PIK3R5: variants seen among roughly 807,000 people sequenced by gnomAD.
The protein encoded by PIK3R5 is phosphoinositide 3-kinase regulatory subunit 5.
A neutral mutation model predicts 94.9 loss-of-function variants in PIK3R5; 32 were observed. That is an observed-to-expected ratio of 0.34 (90% CI 0.25 to 0.45). The LOEUF (loss-of-function observed/expected upper bound fraction) is 0.45. Ranked by LOEUF, PIK3R5 falls within the 20% of genes least tolerant of loss-of-function variation. The pLI is 1.00. For synonymous variants in PIK3R5, 443 were observed against 479.4 expected (o/e 0.92, Z 0.99); for missense variants, 853 against 1,144.6 (o/e 0.75, Z 3.68).
rs746623148 is a variant in PIK3R5, at chr17:8,884,769, G to A, written c.2143C>T (p.Arg715Trp). ...AIKASGPGSK[R>W]LGIDGDREAV... The stretch of plus-strand genomic sequence containing the variant: ...TCCCGGTCGCCATCGATGCCCAGCC[G>A]CTTGCTGCCAGGACCTGTGCCACAC... The change falls in exon 15 of 19, where the codon CGG becomes TGG. Residue 715 changes from arginine (R) to tryptophan (W), a missense_variant. By Grantham distance (101) the Arg-to-Trp change is moderately radical. This residue lies in a region of PIK3R5 where 173 missense variants were observed against 274.1 expected (regional missense o/e 0.63). Transcript: ENST00000447110. This position sits in a 1 kb window ranked among gnomAD's most constrained non-coding sequence, Gnocchi z 5.8. The A allele has an allele frequency of 1.1e-5, 17 of 1,612,588 alleles. No individual in the cohort carries two copies. Among genetic ancestry groups the A allele is most frequent in the Admixed American group, 1.7e-5 (1 of 59,946 alleles).
At position 8,893,770 on chromosome 17, in the gene PIK3R5, C is replaced by T. The variant is rs2090083300; in HGVS notation, c.413-115G>A. Reference sequence around the variant, plus strand: ...AGGTTGGAAATTCCCGGATGGAGCTCAGGCGAACCTGCAGAGAAGCTGTTC... The same window carrying T: ...AGGTTGGAAATTCCCGGATGGAGCTTAGGCGAACCTGCAGAGAAGCTGTTC... On this transcript the variant is annotated intron_variant, in intron 5 of 18. Transcript: ENST00000447110. The surrounding 1 kb of genome is among the most constrained non-coding windows in gnomAD (Gnocchi z 5.1). 1.3e-6 allele frequency: 1 copy of T among 759,570 alleles called. No homozygotes were observed. The highest frequency in any genetic ancestry group is 2.3e-6 in the Non-Finnish European group (1 of 437,834). The allele number at this position is 759,570 out of a possible 1,614,324, so 47.1% of individuals were successfully genotyped here.
In PIK3R5 at chr17:8,880,460, T is replaced by C. The variant is rs1487303875; in HGVS notation, c.*179A>G. ...CCTTCTCTCTCTGATAGCTGTTGCT[T>C]TCCCAGAACCCTGAGGCCCCAGAAA... On this transcript the variant is annotated 3_prime_UTR_variant, in exon 19 of 19. Transcript: ENST00000447110. The C allele has an allele frequency of 5.3e-6, 3 of 564,562 alleles. No homozygotes were observed. Among genetic ancestry groups the C allele is most frequent in the South Asian group, 3.3e-5 (1 of 30,584 alleles). The allele number at this position is 564,562 out of a possible 1,614,324, so 35.0% of individuals were successfully genotyped here. A position where few individuals can be genotyped will look rare whatever the true frequency, so the allele number is the denominator to read the frequency against.
Position 8,904,290 on chromosome 17 carries a change from G to A in PIK3R5, c.412+487C>T, listed in dbSNP as rs775615919. ...ACCCCACACATGAAAACTGAGTCCC[G>A]GGTCTTGTCCACATTTGTCACAGTG... On this transcript the variant is annotated intron_variant, in intron 5 of 18. Coordinates refer to ENST00000447110, the MANE Select transcript of PIK3R5 (RefSeq NM_001142633.3). This position sits in a 1 kb window ranked among gnomAD's most constrained non-coding sequence, Gnocchi z 5.1. Among the ~76,000 whole-genome samples the A allele has an allele frequency of 1.8e-4, 28 of 152,130 alleles. No individual in the cohort carries two copies. The highest frequency in any genetic ancestry group is 3.8e-4 in the Non-Finnish European group (26 of 68,022).
intron 5 of PIK3R5, among the ~76,000 whole-genome samples, chr17:8,895,138 G>A (rs16957707): frequency 0.02 from 3,112 of 152,194 alleles, 112 homozygotes; most frequent in African/African-American, 0.071. Context: ...GGCCACTCAC[G>A]TGCATTACAG....
In PIK3R5 at chr17:8,911,383, T is replaced by C. The variant is rs762644716; in HGVS notation, c.103+9A>G. ...CCCTCAAACACCTCCCCGGCTCCCT[T>C]GGACCGACCTGACCAGGAGGTGGAG... On this transcript the variant is annotated intron_variant, in intron 2 of 18. Transcript: ENST00000447110. This position sits in a 1 kb window ranked among gnomAD's most constrained non-coding sequence, Gnocchi z 5.3. 1 of 1,598,222 alleles carries C rather than the reference T, an allele frequency of 6.3e-7. No individual in the cohort carries two copies. The highest frequency in any genetic ancestry group is 8.5e-7 in the Non-Finnish European group (1 of 1,178,610).
chr17:8,941,670 G>GA (rs1242183049), intron 1 of PIK3R5, among the ~76,000 whole-genome samples: 2 of 152,240 alleles, frequency 1.3e-5, no homozygotes, highest in African/African-American at 4.8e-5. Flanking sequence ...CGTGGCACAG[G>GA]ATGTGGCGGG....
At position 8,955,133 on chromosome 17, in the gene PIK3R5, G is replaced by A. The variant is rs566310765; in HGVS notation, c.-14+10463C>T. Among the ~76,000 whole-genome samples, 1 of 152,184 alleles carries A rather than the reference G, an allele frequency of 6.6e-6. No homozygotes were observed. The highest frequency in any genetic ancestry group is 2.1e-4 in the South Asian group (1 of 4,816). On this transcript the variant is annotated intron_variant, in intron 1 of 18. Transcript: ENST00000447110. This position sits in a 1 kb window ranked among gnomAD's most constrained non-coding sequence, Gnocchi z 4.4. ...CAGAAGACCAGTGATATGTCTGGAG[G>A]GTCCTTGAGGGGAGGATGACCGAAC...
intron 5 of PIK3R5, among the ~76,000 whole-genome samples, chr17:8,895,480 C>A (rs1026030095): frequency 1.3e-5 from 2 of 152,156 alleles, no homozygotes; most frequent in Non-Finnish European, 2.9e-5. Flanking sequence ...CCCCTCTGCC[C>A]TCCTGACCCT....
chr17:8,890,657 C>T lies in PIK3R5; in HGVS notation c.657+81G>A. 1 of 1,259,312 alleles carries T rather than the reference C, an allele frequency of 7.9e-7. No individual in the cohort carries two copies. The allele number at this position is 1,259,312 out of a possible 1,614,324, so 78.0% of individuals were successfully genotyped here. ...CAGGAGACTAAGTGTACCCTGGAGA[C>T]CGTGGCTGAGATGAAGCAGGGAGAG... is the stretch of plus-strand genomic sequence containing the variant. On this transcript the variant is annotated intron_variant, in intron 7 of 18. Coordinates refer to ENST00000447110, the MANE Select transcript of PIK3R5 (RefSeq NM_001142633.3). This position sits in a 1 kb window ranked among gnomAD's most constrained non-coding sequence, Gnocchi z 6.1.
intron 1 of PIK3R5, among the ~76,000 whole-genome samples, chr17:8,934,352 G>A (rs1437629346): frequency 6.6e-6 from 1 of 152,114 alleles, no homozygotes; most frequent in Non-Finnish European, 1.5e-5. Flanking sequence ...AATTCTTAGG[G>A]AATTTACCAA....
At chr17:8,952,261 T>C (rs1465791774) in intron 1 of PIK3R5, among the ~76,000 whole-genome samples, 1 of 152,250 alleles carries the variant, frequency 6.6e-6, no homozygotes, top group Non-Finnish European at 1.5e-5. Context: ...GAGAAACCAG[T>C]AGACCAACTA....
At chr17:8,960,005 G>GC (rs1042835350) in intron 1 of PIK3R5, among the ~76,000 whole-genome samples, 7 of 152,080 alleles carry the variant, frequency 4.6e-5, no homozygotes, top group African/African-American at 1.2e-4. Context: ...GAGAAGAGAG[G>GC]CCCCCCCATT....
chr17:8,964,768 G>A (rs1170214636), intron 1 of PIK3R5, among the ~76,000 whole-genome samples: 1 of 152,114 alleles, frequency 6.6e-6, no homozygotes, highest in African/African-American at 2.4e-5. Context: ...GAAAACGAGG[G>A]TGTCAGTCCA....
In PIK3R5 at chr17:8,909,555, G is replaced by C. The variant is rs1285079873; in HGVS notation, c.104-381C>G. On this transcript the variant is annotated intron_variant, in intron 2 of 18. Coordinates refer to ENST00000447110, the MANE Select transcript of PIK3R5 (RefSeq NM_001142633.3). The surrounding 1 kb of genome is among the most constrained non-coding windows in gnomAD (Gnocchi z 4.3). The stretch of plus-strand genomic sequence containing the variant: ...GCCCGCCTCGGACTCCCAAAGTGCT[G>C]GGATTATAGGCGTGAGCCACTGCAC... 6.6e-6 allele frequency among the ~76,000 whole-genome samples: 1 copy of C among 152,212 alleles called. No homozygotes were observed. Among genetic ancestry groups the C allele is most frequent in the Non-Finnish European group, 1.5e-5 (1 of 68,042 alleles).
intron 1 of PIK3R5, among the ~76,000 whole-genome samples, chr17:8,941,188 G>T (rs937295305): frequency 6.6e-6 from 1 of 152,166 alleles, no homozygotes; most frequent in African/African-American, 2.4e-5. Context: ...GAGGGGTGTA[G>T]CGGGATAGAT....
intron 15 of PIK3R5, among the ~76,000 whole-genome samples, chr17:8,883,879 C>T (rs1301613625): frequency 1.3e-5 from 2 of 152,184 alleles, no homozygotes; most frequent in African/African-American, 4.8e-5. Context: ...CTGTGGAAGA[C>T]GTCTAGCAAG....
At position 8,888,257 on chromosome 17, in the gene PIK3R5, C is replaced by G. The variant is rs1285877246; in HGVS notation, c.1530G>C (p.Glu510Asp). 3 of 1,613,386 alleles carry G rather than the reference C, an allele frequency of 1.9e-6. No homozygotes were observed. The highest frequency in any genetic ancestry group is 1.3e-5 in the African/African-American group (1 of 74,888). ...QRRRPFLSGD[E>D]DPKASTLRVV... Reference sequence around the variant, plus strand: ...CACGTAGCGTGGAAGCCTTGGGATCCTCATCTCCACTCAGGAAGGGGCGGC... The same window carrying G: ...CACGTAGCGTGGAAGCCTTGGGATCGTCATCTCCACTCAGGAAGGGGCGGC... Residue 510 changes from glutamate (E) to aspartate (D), a missense_variant, in exon 10 of 19, where the codon GAG becomes GAC. Transcript: ENST00000447110. The surrounding 1 kb of genome is among the most constrained non-coding windows in gnomAD (Gnocchi z 7.8).
rs556122891 is a variant in PIK3R5 at position 8,931,086 on chromosome 17, C to T, written c.-13-19579G>A. Among the ~76,000 whole-genome samples the T allele has an allele frequency of 7.2e-5, 11 of 152,178 alleles. No homozygotes were observed. The East Asian group carries it at 1.2e-3, about 16-fold the overall frequency. On this transcript the variant is annotated intron_variant, in intron 1 of 18. Coordinates refer to ENST00000447110, the MANE Select transcript of PIK3R5 (RefSeq NM_001142633.3). Reference sequence around the variant, plus strand: ...TTTCATAGAATGACATATGAATCTACGATTTATCTCAAGATGTAAAAGTCT... The same window carrying T: ...TTTCATAGAATGACATATGAATCTATGATTTATCTCAAGATGTAAAAGTCT...
At chr17:8,930,205 C>T (rs1034596199) in intron 1 of PIK3R5, among the ~76,000 whole-genome samples, 4 of 152,136 alleles carry the variant, frequency 2.6e-5, no homozygotes, top group Non-Finnish European at 5.9e-5. Context: ...AACAACCAAA[C>T]TTTCAATTAC....
Sources: allele counts gnomAD v4.1 joint callset (sites outside exome capture counted in the v4.1 genomes callset), GRCh38; gene constraint gnomAD v4.1.1; regional missense constraint gnomAD v4.1.1; non-coding constraint Gnocchi (gnomAD v3.1); transcripts MANE v1.5; gene names NCBI Gene and HGNC (gene_info 2026-07-23, HGNC 2026-07-21).